ARHGAP22: variants seen among roughly 807,000 people sequenced by gnomAD.
ARHGAP22 encodes rho GTPase-activating protein 22.
ARHGAP22 carries 48 observed loss-of-function variants against 59.1 expected under a neutral mutation model. That is an observed-to-expected ratio of 0.81 (90% CI 0.64 to 1.03). The LOEUF (loss-of-function observed/expected upper bound fraction) is 1.03. Ranked by LOEUF, ARHGAP22 falls within the 50% of genes least tolerant of loss-of-function variation. ARHGAP22 has a pLI of 0.00. For missense variants in ARHGAP22, 1,015 were observed against 958.7 expected, an observed-to-expected ratio of 1.06 and a Z score of -0.78; for synonymous variants, 445 against 416.4, an observed-to-expected ratio of 1.07 and a Z score of -0.84.
At chr10:48,533,814 A>T (rs2134994534) in intron 3 of ARHGAP22, among the ~76,000 whole-genome samples, 1 of 152,384 alleles carries the variant, frequency 6.6e-6, no homozygotes, top group African/African-American at 2.4e-5. Flanking sequence ...AAAGAATTTT[A>T]GAGCATCTGG....
the ARHGAP22 span, chr10:48,431,039 C>T: frequency 1.5e-6 from 1 of 651,156 alleles, no homozygotes; most frequent in East Asian, 2.8e-5. Context: ...TAATTAACAT[C>T]CTTGAATCTT....
intron 3 of ARHGAP22, among the ~76,000 whole-genome samples, chr10:48,493,193 G>A (rs1404844217): frequency 6.6e-6 from 1 of 152,154 alleles, no homozygotes; most frequent in Non-Finnish European, 1.5e-5. Flanking sequence ...GCCTGTGTGT[G>A]TGGTGTTAGC....
chr10:48,495,384 T>A (rs1376009961), intron 3 of ARHGAP22, among the ~76,000 whole-genome samples: 1 of 152,222 alleles, frequency 6.6e-6, no homozygotes, highest in African/African-American at 2.4e-5. Context: ...TGATACCCCA[T>A]TTACAGATGA....
intron 3 of ARHGAP22, among the ~76,000 whole-genome samples, chr10:48,540,029 C>G (rs1367988178): frequency 6.6e-6 from 1 of 152,176 alleles, no homozygotes; most frequent in East Asian, 1.9e-4. Flanking sequence ...TCGCTCTGGA[C>G]CTCAGATCTG....
intron 9 of ARHGAP22, among the ~76,000 whole-genome samples, chr10:48,448,308 C>G (rs1211969876): frequency 6.6e-6 from 1 of 152,226 alleles, no homozygotes; most frequent in Non-Finnish European, 1.5e-5. Context: ...CCTCTCCGCT[C>G]CCCTCCATGC....
chr10:48,576,509 T>C (rs894754687), intron 2 of ARHGAP22, among the ~76,000 whole-genome samples: 6 of 152,264 alleles, frequency 3.9e-5, no homozygotes, highest in Non-Finnish European at 5.9e-5. Context: ...AAGCTGACCC[T>C]GTTACCAACT....
chr10:48,599,325 C>A (rs918611209), intron 1 of ARHGAP22, among the ~76,000 whole-genome samples: 1 of 152,166 alleles, frequency 6.6e-6, no homozygotes, highest in African/African-American at 2.4e-5. Flanking sequence ...GGGACTGCCA[C>A]GTGGGGACAC....
chr10:48,529,285 G>T (rs1325557395), intron 3 of ARHGAP22, among the ~76,000 whole-genome samples: 1 of 152,132 alleles, frequency 6.6e-6, no homozygotes, highest in East Asian at 1.9e-4. Context: ...ACCAGGCAGG[G>T]CAATGTGTTA....
intron 1 of ARHGAP22, among the ~76,000 whole-genome samples, chr10:48,636,816 G>A (rs1019497724): frequency 1.3e-5 from 2 of 152,218 alleles, no homozygotes; most frequent in African/African-American, 4.8e-5. Context: ...GCAAAACCCA[G>A]AGTGCTGGGA....
intron 3 of ARHGAP22, among the ~76,000 whole-genome samples, chr10:48,542,427 T>A (rs1285563144): frequency 6.6e-6 from 1 of 152,248 alleles, no homozygotes; most frequent in Non-Finnish European, 1.5e-5. Context: ...TTGTGTTTTT[T>A]AAGTGAAGTC....
intron 3 of ARHGAP22, among the ~76,000 whole-genome samples, chr10:48,521,301 G>A (rs1418916296): frequency 6.6e-6 from 1 of 152,156 alleles, no homozygotes; most frequent in African/African-American, 2.4e-5. Context: ...CCCACCTACA[G>A]CTTTGCAGCC....
chr10:48,578,360 T>A (rs2058889423), intron 2 of ARHGAP22, among the ~76,000 whole-genome samples: 1 of 152,198 alleles, frequency 6.6e-6, no homozygotes. Context: ...CCTCATGTTC[T>A]TTCCATCTAG....
chr10:48,573,730 T>C (rs908706557), intron 2 of ARHGAP22, among the ~76,000 whole-genome samples: 1 of 152,220 alleles, frequency 6.6e-6, no homozygotes, highest in African/African-American at 2.4e-5. Flanking sequence ...GCAACTTCCA[T>C]TTGTCCAATG....
chr10:48,579,785 G>T (rs189727604), intron 2 of ARHGAP22, among the ~76,000 whole-genome samples: 163 of 151,588 alleles, frequency 1.1e-3, no homozygotes, highest in African/African-American at 3.9e-3. Context: ...TGACCGCCTG[G>T]GCCCCCTGTC....
intron 3 of ARHGAP22, among the ~76,000 whole-genome samples, chr10:48,505,107 G>A (rs2051959318): frequency 6.6e-6 from 1 of 152,128 alleles, no homozygotes; most frequent in Non-Finnish European, 1.5e-5. Flanking sequence ...AGGCTGGCAT[G>A]CAGTGGCACA....
intron 1 of ARHGAP22, among the ~76,000 whole-genome samples, chr10:48,626,266 G>A (rs375843883): frequency 1.3e-5 from 2 of 152,236 alleles, no homozygotes; most frequent in African/African-American, 2.4e-5. Flanking sequence ...CCAGGAGCCC[G>A]GCATGGAAAC....
chr10:48,577,321 T>C (rs1479739622), intron 2 of ARHGAP22, among the ~76,000 whole-genome samples: 2 of 152,224 alleles, frequency 1.3e-5, no homozygotes, highest in African/African-American at 2.4e-5. Flanking sequence ...CTTTTTGTTT[T>C]CTTCCTCTTT....
Position 48,610,594 on chromosome 10 carries a change from C to T in ARHGAP22, c.53-27442G>A, listed in dbSNP as rs77112670. ...GGCTGAATAGATGAATGAGTGGTGC[C>T]TCAGCTGGGTTCCAGTGGCAGATGC... On this transcript the variant is annotated intron_variant, in intron 1 of 9. Transcript: ENST00000435790. Among the ~76,000 whole-genome samples, 579 of 152,268 alleles carry T rather than the reference C, an allele frequency of 3.8e-3. 7 individuals carry two copies. The highest frequency in any genetic ancestry group is 0.01 in the Middle Eastern group (3 of 294).
At chr10:48,513,806 C>G (rs1184984255) in intron 3 of ARHGAP22, among the ~76,000 whole-genome samples, 1 of 152,082 alleles carries the variant, frequency 6.6e-6, no homozygotes, top group Non-Finnish European at 1.5e-5. Context: ...TATAAACTGT[C>G]CTTGACCTAG....
Sources: gnomAD v4.1 joint callset for allele counts (sites outside exome capture counted in the v4.1 genomes callset) on GRCh38, gnomAD v4.1.1 for gene constraint, MANE v1.5 for transcripts, NCBI Gene and HGNC (gene_info 2026-07-23, HGNC 2026-07-21) for gene names.